SPMIP4: variants seen among roughly 807,000 people sequenced by gnomAD.
SPMIP4 encodes the protein sperm microtubule inner protein 4, also known as sperm-associated microtubule inner protein 4.
chr7:25,154,942 TTAA>T, the SPMIP4 span: 13 of 1,454,794 alleles, frequency 8.9e-6, no homozygotes, highest in East Asian at 3.0e-4. Context: ...GCTCCTTGCT[TTAA>T]TTTTATTATT....
At chr7:25,133,277 A>G in the SPMIP4 span, among the ~76,000 whole-genome samples, 13 of 152,188 alleles carry the variant, frequency 8.5e-5, no homozygotes, top group Non-Finnish European at 1.6e-4. Flanking sequence ...ATGAGTCCTA[A>G]TTTTGCAACA....
At chr7:25,131,745 T>G in the SPMIP4 span, among the ~76,000 whole-genome samples, 2,103 of 152,266 alleles carry the variant, frequency 0.014, 54 homozygotes, top group African/African-American at 0.047. The surrounding 1 kb of genome is among the most constrained non-coding windows in gnomAD (Gnocchi z 4.2). Flanking sequence ...ATAGCTCTAT[T>G]AGAAGCCATG....
the SPMIP4 span, among the ~76,000 whole-genome samples, chr7:25,166,339 G>C: frequency 1.4e-5 from 2 of 147,654 alleles, no homozygotes; most frequent in Admixed American, 7.0e-5. Flanking sequence ...TGTAATCCCA[G>C]CACTTTGGAA....
the SPMIP4 span, among the ~76,000 whole-genome samples, chr7:25,145,618 T>A: frequency 6.6e-6 from 1 of 152,174 alleles, no homozygotes; most frequent in Non-Finnish European, 1.5e-5. Context: ...CAGAAAGGAA[T>A]TCCAGTTCCT....
chr7:25,160,891 G>A, the SPMIP4 span, among the ~76,000 whole-genome samples: 1 of 152,116 alleles, frequency 6.6e-6, no homozygotes, highest in African/African-American at 2.4e-5. Context: ...ACTAGGTTGG[G>A]TAAGTAGGTC....
At chr7:25,173,678 A>C in the SPMIP4 span, among the ~76,000 whole-genome samples, 2 of 152,328 alleles carry the variant, frequency 1.3e-5, no homozygotes, top group South Asian at 4.1e-4. This position sits in a 1 kb window ranked among gnomAD's most constrained non-coding sequence, Gnocchi z 4.4. Context: ...ACAAGTGAAA[A>C]ATATTTAAAT....
chr7:25,166,225 T>C, the SPMIP4 span, among the ~76,000 whole-genome samples: 5 of 70,094 alleles, frequency 7.1e-5, no homozygotes, highest in Non-Finnish European at 1.1e-4. Flanking sequence ...TTTCTTTCTT[T>C]CCGTCTTCTT....
At chr7:25,162,932 C>T in the SPMIP4 span, among the ~76,000 whole-genome samples, 3 of 151,994 alleles carry the variant, frequency 2.0e-5, no homozygotes, top group Admixed American at 6.6e-5. Context: ...CCATCGTGCC[C>T]GGCTAATTTC....
At chr7:25,149,027 T>A in the SPMIP4 span, among the ~76,000 whole-genome samples, 1 of 152,178 alleles carries the variant, frequency 6.6e-6, no homozygotes. Flanking sequence ...TGAACACGGT[T>A]TGAACAGTTG....
At chr7:25,180,110 A>T in the SPMIP4 span, 4 of 138,284 alleles carry the variant, frequency 2.9e-5, no homozygotes, top group African/African-American at 1.1e-4. Flanking sequence ...CGGGGGCGGG[A>T]GAAGGACGGC....
At chr7:25,151,138 A>G in the SPMIP4 span, among the ~76,000 whole-genome samples, 1 of 152,220 alleles carries the variant, frequency 6.6e-6, no homozygotes, top group East Asian at 1.9e-4. Flanking sequence ...ACAGCACATG[A>G]AATCAGCTAA....
the SPMIP4 span, among the ~76,000 whole-genome samples, chr7:25,127,659 A>G: frequency 1.3e-5 from 2 of 152,024 alleles, no homozygotes; most frequent in Non-Finnish European, 2.9e-5. Context: ...GAAAAGTCAC[A>G]TATCTCTTTC....
the SPMIP4 span, among the ~76,000 whole-genome samples, chr7:25,158,342 C>G: frequency 7.6e-6 from 1 of 131,518 alleles, no homozygotes; most frequent in Non-Finnish European, 1.6e-5. Context: ...GTACTCCAGC[C>G]TGGGCGACAA....
At chr7:25,126,477 C>A in the SPMIP4 span, among the ~76,000 whole-genome samples, 1 of 152,098 alleles carries the variant, frequency 6.6e-6, no homozygotes, top group Non-Finnish European at 1.5e-5. Flanking sequence ...ACGCCCAGGG[C>A]AAATAATATT....
chr7:25,175,157 GT>G, the SPMIP4 span, among the ~76,000 whole-genome samples: 55,249 of 152,024 alleles, frequency 0.36, 12,346 homozygotes, highest in Non-Finnish European at 0.5. Flanking sequence ...CTGGGAATCT[GT>G]TTTTCTAGAA....
At chr7:25,153,626 G>A in the SPMIP4 span, among the ~76,000 whole-genome samples, 1 of 151,894 alleles carries the variant, frequency 6.6e-6, no homozygotes, top group Admixed American at 6.5e-5. Context: ...TGCTAACTAT[G>A]TGTACTTCAG....
the SPMIP4 span, chr7:25,135,580 G>C: frequency 4.5e-6 from 4 of 886,036 alleles, no homozygotes; most frequent in Non-Finnish European, 5.4e-6. Context: ...ACTATAATTT[G>C]TATAGTCATT....
the SPMIP4 span, chr7:25,151,835 T>C: frequency 6.1e-6 from 3 of 495,606 alleles, no homozygotes; most frequent in Admixed American, 3.9e-5. Context: ...CAGCTTGCTC[T>C]TGAATTCTTT....
At chr7:25,167,838 AAT>A in the SPMIP4 span, among the ~76,000 whole-genome samples, 1 of 152,166 alleles carries the variant, frequency 6.6e-6, no homozygotes, top group Non-Finnish European at 1.5e-5. Flanking sequence ...ATGTGTTTTG[AAT>A]AGAGTTGCTG....
Sources: gnomAD v4.1 joint callset for allele counts (sites outside exome capture counted in the v4.1 genomes callset) on GRCh38, gnomAD v4.1.1 for gene constraint, Gnocchi (gnomAD v3.1) non-coding constraint, MANE v1.5 for transcripts, NCBI Gene and HGNC (gene_info 2026-07-23, HGNC 2026-07-21) for gene names.